The following ZCCHC2 variants were observed in gnomAD, a reference collection of about 807,000 sequenced individuals.
The protein encoded by ZCCHC2 is zinc finger CCHC domain-containing protein 2.
Under a neutral mutation model 103.6 loss-of-function variants are expected in ZCCHC2, and 39 were observed. The observed-to-expected ratio is 0.38, with a 90% CI of 0.29 to 0.49. The LOEUF is 0.49. Among genes scored for constraint, ZCCHC2 ranks in the 20% least tolerant of loss-of-function variants. The pLI, the probability that ZCCHC2 is intolerant of heterozygous loss-of-function variation, is 0.96. For synonymous variants in ZCCHC2, 687 were observed against 608.9 expected (o/e 1.13, Z -1.89); for missense variants, 1,483 against 1,491.0 (o/e 0.99, Z 0.09).
chr18:62,546,776 T>C (rs1159321834), intron 4 of ZCCHC2, among the ~76,000 whole-genome samples: 3 of 152,226 alleles, frequency 2.0e-5, no homozygotes, highest in Admixed American at 2.0e-4. Flanking sequence ...GCCCATTTTT[T>C]CGAAAAGCTT....
At chr18:62,550,090 A>G (rs1234541407) in intron 4 of ZCCHC2, among the ~76,000 whole-genome samples, 1 of 152,236 alleles carries the variant, frequency 6.6e-6, no homozygotes, top group Non-Finnish European at 1.5e-5. Context: ...CTCCTGTCCC[A>G]GGAACATGCT....
intron 10 of ZCCHC2, 81 bp from the exon 11 acceptor site, chr18:62,564,921 A>G: frequency 1.9e-6 from 2 of 1,033,582 alleles, no homozygotes; most frequent in Non-Finnish European, 2.9e-6. Context: ...AGAGTCTTGA[A>G]GGAAATTTTA....
At position 62,563,125 on chromosome 18, in the gene ZCCHC2, G is replaced by A. The variant is rs1232581777; in HGVS notation, c.1667G>A (p.Cys556Tyr). The change falls in exon 9 of 14, where the codon TGT becomes TAT. Residue 556 changes from cysteine to tyrosine, a missense_variant. Coordinates refer to ENST00000269499, the MANE Select transcript of ZCCHC2 (RefSeq NM_017742.6). ...ACCACCATTCAACACCCAGAGCACTGTGTGACCTCGGCTGACCAGGTGTGT... is the reference window on the plus strand; with the variant it reads ...ACCACCATTCAACACCCAGAGCACTATGTGACCTCGGCTGACCAGGTGTGT... Reference protein sequence around the residue: ...SCTTIQHPEHCVTSADQHSAE... With the variant: ...SCTTIQHPEHYVTSADQHSAE... 1.2e-6 allele frequency: 2 copies of A among 1,613,520 alleles called. No homozygotes were observed. Among genetic ancestry groups the A allele is most frequent in the Admixed American group, 1.7e-5 (1 of 60,026 alleles).
Position 62,565,082 on chromosome 18 carries a change from G to A in ZCCHC2, c.1832G>A (p.Gly611Asp). The change falls in exon 11 of 14, where the codon GGT (glycine) becomes GAT (aspartate). Residue 611 changes from glycine to aspartate, a missense_variant. Transcript: ENST00000269499. Reference sequence around the variant, plus strand: ...CTCTCCACTCCTCAGCATGCCCATGGTGGTACTGTGAAAGGTAAGAAGGTT... The same window carrying A: ...CTCTCCACTCCTCAGCATGCCCATGATGGTACTGTGAAAGGTAAGAAGGTT... ...IRLSTPQHAH[G>D]GTVKDVNLDI... is the part of the protein sequence containing the mutation. 1 of 1,612,186 alleles carries A rather than the reference G, an allele frequency of 6.2e-7. No individual in the cohort carries two copies. Among genetic ancestry groups the A allele is most frequent in the Non-Finnish European group, 8.5e-7 (1 of 1,178,390 alleles).
At chr18:62,578,773 C>G (rs4941143), downstream of ZCCHC2, among the ~76,000 whole-genome samples, 1 of 151,946 alleles carries the variant, frequency 6.6e-6, no homozygotes, top group African/African-American at 2.4e-5. Flanking sequence ...CCCAAATAAC[C>G]TTTTTGTTTT....
chr18:62,570,289 A>C, intron 12 of ZCCHC2, 58 bp downstream of exon 12: 1 of 1,577,838 alleles, frequency 6.3e-7, no homozygotes, highest in East Asian at 2.3e-5. Context: ...AGTGGAGGGA[A>C]ATGTGTGTTG....
Position 62,577,454 on chromosome 18 carries a change from C to T in ZCCHC2, c.*875C>T, listed in dbSNP as rs141409647. On this transcript the variant is annotated 3_prime_UTR_variant, in exon 14 of 14. Transcript: ENST00000269499. ...GTCTACAGCCAATTTTACTTGTCTA[C>T]CACCGTGTTGTGCTCAAAGAGACAC... is the stretch of plus-strand genomic sequence containing the variant. 618 of 152,440 alleles carry T rather than the reference C, an allele frequency of 4.1e-3. 7 individuals are homozygous for T. Among genetic ancestry groups the T allele is most frequent in the Non-Finnish European group, 3.7e-3 (249 of 68,018 alleles). The allele number at this position is 152,440 out of a possible 1,614,324, so 9.4% of individuals were successfully genotyped here.
chr18:62,535,298 T>G (rs1914873311), intron 1 of ZCCHC2, among the ~76,000 whole-genome samples: 2 of 152,230 alleles, frequency 1.3e-5, no homozygotes, highest in Admixed American at 1.3e-4. Flanking sequence ...TGGATCATCT[T>G]CCTAGTTCTA....
chr18:62,523,704 G>C lies in ZCCHC2; in HGVS notation c.280G>C (p.Glu94Gln). The C allele has an allele frequency of 6.9e-7, 1 of 1,447,994 alleles. No individual in the cohort carries two copies. Among genetic ancestry groups the C allele is most frequent in the Non-Finnish European group, 9.0e-7 (1 of 1,106,000 alleles). The allele number at this position is 1,447,994 out of a possible 1,614,324, so 89.7% of individuals were successfully genotyped here. ...GGGGPSAALREQERVYEWFGL... is the reference protein window; with the variant it reads ...GGGGPSAALRQQERVYEWFGL... ...CGGGGGGCCCTCGGCGGCGCTGCGC[G>C]AGCAGGAGCGGGTATACGAGTGGTT... The change falls in exon 1 of 14, where the codon GAG becomes CAG. Residue 94 changes from glutamate to glutamine, a missense_variant. By Grantham distance (29) the Glu-to-Gln change is conservative. Coordinates refer to ENST00000269499, the MANE Select transcript of ZCCHC2 (RefSeq NM_017742.6).
chr18:62,558,917 T>C, intron 7 of ZCCHC2, 147 bp downstream of exon 7: 3 of 501,394 alleles, frequency 6.0e-6, no homozygotes, highest in Non-Finnish European at 1.1e-5. Flanking sequence ...GACCATTCAA[T>C]AAATGGTGTG....
In ZCCHC2 at chr18:62,574,971, C is replaced by T. The variant is rs1029720355; in HGVS notation, c.2890C>T (p.His964Tyr). Reference sequence around the variant, plus strand: ...AACTGTTCCTCCTGCAGTTCCTACCCACACCCCAGGCCCTGCCCCGAGCCC... The same window carrying T: ...AACTGTTCCTCCTGCAGTTCCTACCTACACCCCAGGCCCTGCCCCGAGCCC... ...QATVPPAVPTHTPGPAPSPSP... is the reference protein window; with the variant it reads ...QATVPPAVPTYTPGPAPSPSP... Residue 964 changes from histidine (H) to tyrosine (Y), a missense_variant, in exon 13 of 14, where the codon CAC becomes TAC. By Grantham distance (83) the His-to-Tyr change is moderately conservative. Transcript: ENST00000269499. 6.2e-7 allele frequency: 1 copy of T among 1,613,966 alleles called. No individual in the cohort carries two copies. Among genetic ancestry groups the T allele is most frequent in the Non-Finnish European group, 8.5e-7 (1 of 1,179,898 alleles).
Position 62,577,482 on chromosome 18 carries a change from C to T in ZCCHC2, c.*903C>T, listed in dbSNP as rs1170386129. 1 of 152,522 alleles carries T rather than the reference C, an allele frequency of 6.6e-6. No homozygotes were observed. Among genetic ancestry groups the T allele is most frequent in the Non-Finnish European group, 1.5e-5 (1 of 68,048 alleles). The allele number at this position is 152,522 out of a possible 1,614,324, so 9.4% of individuals were successfully genotyped here. A position where few individuals can be genotyped will look rare whatever the true frequency, so the allele number is the denominator to read the frequency against. On this transcript the variant is annotated 3_prime_UTR_variant, in exon 14 of 14. Transcript: ENST00000269499. Reference sequence around the variant, plus strand: ...CCGTGTTGTGCTCAAAGAGACACTACTTGAGTGAAGATTTCTTCTTTCCCT... The same window carrying T: ...CCGTGTTGTGCTCAAAGAGACACTATTTGAGTGAAGATTTCTTCTTTCCCT...
At position 62,523,870 on chromosome 18, in the gene ZCCHC2, A is replaced by G. The variant is rs1427229462; in HGVS notation, c.446A>G (p.Glu149Gly). ...GACTACCACTACCTGCGCGACTCGG[A>G]GGCCAAGGCCAACGGCCTCTCGGAC... Reference protein sequence around the residue: ...RKDYHYLRDSEAKANGLSDPG... With the variant: ...RKDYHYLRDSGAKANGLSDPG... Residue 149 changes from glutamate to glycine, a missense_variant, in exon 1 of 14, where the codon GAG (glutamate) becomes GGG (glycine). This residue lies in a region of ZCCHC2 where 568 missense variants were observed against 525.1 expected (regional missense o/e 1.08). Transcript: ENST00000269499. The G allele has an allele frequency of 9.7e-6, 15 of 1,543,384 alleles. No individual in the cohort carries two copies. Among genetic ancestry groups the G allele is most frequent in the Admixed American group, 2.0e-5 (1 of 50,882 alleles).
At chr18:62,565,729 A>G (rs1199712937) in intron 11 of ZCCHC2, among the ~76,000 whole-genome samples, 1 of 152,202 alleles carries the variant, frequency 6.6e-6, no homozygotes, top group African/African-American at 2.4e-5. Context: ...GCAGACCTCT[A>G]GGAGAATATT....
rs1555785615 is a variant in ZCCHC2, at chr18:62,538,274, A to AAAG, written c.940-1405_940-1404insGAA. 2.3e-4 allele frequency among the ~76,000 whole-genome samples: 35 copies of AAAG among 151,630 alleles called. No individual in the cohort carries two copies. The East Asian group carries it at 3.5e-3, about 15-fold the overall frequency. On this transcript the variant is annotated intron_variant, in intron 1 of 13. Coordinates refer to ENST00000269499, the MANE Select transcript of ZCCHC2 (RefSeq NM_017742.6). ...AGACCCTGTCTCAAAAAAAAAAAAA[A>AAAG]AAAGAAAGAATTGGTTAACCTATTC...
At chr18:62,563,250 A>G in intron 9 of ZCCHC2, 106 bp downstream of exon 9, 1 of 1,334,646 alleles carries the variant, frequency 7.5e-7, no homozygotes, top group Non-Finnish European at 1.0e-6. Flanking sequence ...TCTGGTAAGA[A>G]ATGAAGGAAT....
Position 62,524,096 on chromosome 18 carries a change from C to T in ZCCHC2, c.672C>T (p.Asp224=), listed in dbSNP as rs1318979882. The change falls in exon 1 of 14, where the codon GAC becomes GAT. Residue 224 remains aspartate (D), a synonymous_variant. Coordinates refer to ENST00000269499, the MANE Select transcript of ZCCHC2 (RefSeq NM_017742.6). ...GCGCGGAGGACGAGCGCGGCGAGGA[C>T]GGCGACGGCGAGCAGGACGCCGAGA... is the stretch of plus-strand genomic sequence containing the variant. ...RGGAEDERGE[D]GDGEQDAEKD... is the part of the protein sequence containing the mutation. 6.6e-7 allele frequency: 1 copy of T among 1,518,972 alleles called. No homozygotes were observed. The highest frequency in any genetic ancestry group is 2.1e-5 in the Admixed American group (1 of 48,058). 94.1% of individuals were successfully genotyped at this position (1,518,972 alleles called of 1,614,324 possible). A position where few individuals can be genotyped will look rare whatever the true frequency, so the allele number is the denominator to read the frequency against.
At position 62,537,240 on chromosome 18, in the gene ZCCHC2, G is replaced by A. The variant is rs537508749; in HGVS notation, c.940-2441G>A. Among the ~76,000 whole-genome samples the A allele has an allele frequency of 3.9e-5, 6 of 152,048 alleles. No individual in the cohort carries two copies. In the East Asian group the frequency reaches 7.7e-4, roughly 20 times the overall value. ...GTTGCCCAGGCTGAAGTGCAGTGGC[G>A]CAGTCATGGGTCACTGCAGCCTTGA... On this transcript the variant is annotated intron_variant, in intron 1 of 13. Transcript: ENST00000269499.
chr18:62,544,799 C>A lies in ZCCHC2; in HGVS notation c.1129-3C>A. ...TATAATATGTGTGTTTTTTTTAAAT[C>A]AGGTAAATTGGTCTGATCTTTCAGT... On this transcript the variant is annotated splice_region_variant and splice_polypyrimidine_tract_variant and intron_variant, in intron 3 of 13. Transcript: ENST00000269499. The A allele has an allele frequency of 6.5e-7, 1 of 1,535,990 alleles. No individual in the cohort carries two copies. Among genetic ancestry groups the A allele is most frequent in the Admixed American group, 2.1e-5 (1 of 47,088 alleles).
Sources: allele counts gnomAD v4.1 joint callset (sites outside exome capture counted in the v4.1 genomes callset), GRCh38; gene constraint gnomAD v4.1.1; regional missense constraint gnomAD v4.1.1; transcripts MANE v1.5; gene names NCBI Gene and HGNC (gene_info 2026-07-23, HGNC 2026-07-21).